Variants in ZNF808 observed in about 807,000 individuals in gnomAD.
ZNF808 encodes zinc finger protein 808.
A neutral mutation model predicts 8.7 loss-of-function variants in ZNF808; 5 were observed. That is an observed-to-expected ratio of 0.58 (90% CI 0.30 to 1.21). ZNF808 has a LOEUF of 1.21. Ranked by LOEUF, ZNF808 falls within the 50% of genes most tolerant of loss-of-function variation. The pLI is 0.07. For synonymous variants in ZNF808, 380 were observed against 366.0 expected (o/e 1.04, Z -0.44); for missense variants, 1,103 against 1,098.4 (o/e 1.00, Z -0.06).
Position 52,554,359 on chromosome 19 carries a change from A to G in ZNF808, c.1443A>G (p.Lys481=). 1 of 1,613,976 alleles carries G rather than the reference A, an allele frequency of 6.2e-7. No individual in the cohort carries two copies. Among genetic ancestry groups the G allele is most frequent in the Non-Finnish European group, 8.5e-7 (1 of 1,180,008 alleles). The stretch of plus-strand genomic sequence containing the variant: ...ATAGAAGAATTCACACTGGAGAGAA[A>G]ACTTACAAGTGTAATGAGTGTCGCA... ...ARHRRIHTGE[K]TYKCNECRKT... is the part of the protein sequence containing the mutation. Residue 481 remains lysine (K), a synonymous_variant, in exon 5 of 5, where the codon AAA becomes AAG. Coordinates refer to ENST00000359798, the MANE Select transcript of ZNF808 (RefSeq NM_001039886.4).
chr19:52,562,842 C>T (rs551035880), intron 3 of ZNF808, among the ~76,000 whole-genome samples: 34 of 152,070 alleles, frequency 2.2e-4, no homozygotes, highest in African/African-American at 7.7e-4. Flanking sequence ...GGCATGATCT[C>T]GGCTCACTGC....
At chr19:52,544,696 T>G (rs371507363) in intron 3 of ZNF808, among the ~76,000 whole-genome samples, 1 of 152,156 alleles carries the variant, frequency 6.6e-6, no homozygotes. Context: ...CAAAGCTTGC[T>G]TTAGCCTTGA....
At chr19:52,567,714 G>A (rs1003503945), downstream of ZNF808, among the ~76,000 whole-genome samples, 39 of 151,590 alleles carry the variant, frequency 2.6e-4, no homozygotes, top group Non-Finnish European at 4.6e-4. Flanking sequence ...TAGTAGAGAC[G>A]GGGTTTCTCT....
chr19:52,534,098 G>A (rs1026810332), intron 2 of ZNF808, among the ~76,000 whole-genome samples: 1 of 152,106 alleles, frequency 6.6e-6, no homozygotes, highest in Non-Finnish European at 1.5e-5. Flanking sequence ...CGAGGCTTCC[G>A]GATCACTTGA....
At chr19:52,546,188 G>GTTT (rs35937083) in intron 3 of ZNF808, among the ~76,000 whole-genome samples, 6 of 140,224 alleles carry the variant, frequency 4.3e-5, no homozygotes, top group Non-Finnish European at 6.2e-5. Flanking sequence ...CATCATAACA[G>GTTT]TTTTTTTTTT....
Position 52,554,958 on chromosome 19 carries a change from G to T in ZNF808, c.2042G>T (p.Cys681Phe). The part of the protein sequence containing the change: ...RLHGGEKSYK[C>F]KVCDKAFVCR... Reference sequence around the variant, plus strand: ...CATGGTGGAGAGAAATCTTACAAATGTAAGGTTTGTGACAAGGCTTTCGTG... The same window carrying T: ...CATGGTGGAGAGAAATCTTACAAATTTAAGGTTTGTGACAAGGCTTTCGTG... Residue 681 changes from cysteine (C) to phenylalanine (F), a missense_variant, in exon 5 of 5, where the codon TGT becomes TTT. Cys to Phe is a radical substitution (Grantham distance 205). Transcript: ENST00000359798. The T allele has an allele frequency of 6.2e-7, 1 of 1,614,200 alleles. No individual in the cohort carries two copies. Among genetic ancestry groups the T allele is most frequent in the Non-Finnish European group, 8.5e-7 (1 of 1,180,022 alleles).
chr19:52,528,768 A>G (rs1405304400), intron 1 of ZNF808, among the ~76,000 whole-genome samples: 1 of 152,070 alleles, frequency 6.6e-6, no homozygotes, highest in Non-Finnish European at 1.5e-5. Flanking sequence ...ACAGGGGAGT[A>G]TATCAGGGAA....
chr19:52,528,852 C>T (rs1469355561), intron 1 of ZNF808, among the ~76,000 whole-genome samples: 1 of 151,002 alleles, frequency 6.6e-6, no homozygotes, highest in Non-Finnish European at 1.5e-5. Flanking sequence ...AGATTGAGGA[C>T]GATTGAAAGA....
chr19:52,529,228 A>AG (rs1599942397), intron 1 of ZNF808, among the ~76,000 whole-genome samples: 1 of 148,958 alleles, frequency 6.7e-6, no homozygotes, highest in East Asian at 1.9e-4. Context: ...AAAAAAAAAA[A>AG]GGAAATAACG....
chr19:52,536,622 GC>G (rs1378442648), intron 2 of ZNF808, among the ~76,000 whole-genome samples: 1 of 152,124 alleles, frequency 6.6e-6, no homozygotes, highest in Non-Finnish European at 1.5e-5. Flanking sequence ...GGGTATTCTT[GC>G]CTGCCCAGCT....
intron 2 of ZNF808, among the ~76,000 whole-genome samples, chr19:52,543,015 G>A (rs923845346): frequency 6.6e-6 from 1 of 151,920 alleles, no homozygotes; most frequent in Non-Finnish European, 1.5e-5. Flanking sequence ...GGGGGCATCA[G>A]TGCAGCCCAG....
In ZNF808 at chr19:52,549,722, T is replaced by G. The variant is rs573714614; in HGVS notation, c.190+2084T>G. 1.5e-4 allele frequency among the ~76,000 whole-genome samples: 23 copies of G among 152,244 alleles called. No homozygotes were observed. The East Asian group carries it at 4.4e-3, about 29-fold the overall frequency. On this transcript the variant is annotated intron_variant, in intron 4 of 4. Transcript: ENST00000359798. ...CACCCTTGCCCTTCCTTTCCTGGCC[T>G]TGACTCACATGATACATTGATCTGG...
downstream of ZNF808, among the ~76,000 whole-genome samples, chr19:52,561,161 T>TCC (rs1568494854): frequency 3.1e-4 from 19 of 61,492 alleles, no homozygotes; most frequent in Non-Finnish European, 6.1e-4. Context: ...CTATCTGTTC[T>TCC]CTCTCTCTCT....
At chr19:52,543,467 G>T in intron 3 of ZNF808, 120 bp downstream of exon 3, 2 of 1,436,510 alleles carry the variant, frequency 1.4e-6, no homozygotes, top group Non-Finnish European at 1.9e-6. Context: ...GAAGCATTTT[G>T]CCTGACACGT....
rs371135349 is a variant in ZNF808 at position 52,553,612 on chromosome 19, A to G, written c.696A>G (p.Pro232=). 977 of 1,614,216 alleles carry G rather than the reference A, an allele frequency of 6.1e-4. No individual in the cohort carries two copies. The highest frequency in any genetic ancestry group is 7.8e-4 in the Non-Finnish European group (917 of 1,180,042). The change falls in exon 5 of 5, where the codon CCA becomes CCG. Residue 232 remains proline (P), a synonymous_variant. Coordinates refer to ENST00000359798, the MANE Select transcript of ZNF808 (RefSeq NM_001039886.4). ...QEVHMREKSF[P]CNESGKAFNC... Reference sequence around the variant, plus strand: ...TACACATGAGAGAAAAATCTTTCCCATGTAATGAGAGTGGCAAAGCCTTTA... The same window carrying G: ...TACACATGAGAGAAAAATCTTTCCCGTGTAATGAGAGTGGCAAAGCCTTTA...
chr19:52,547,511 G>A lies in ZNF808; in HGVS notation c.64-1G>A. On this transcript the variant is annotated splice_acceptor_variant, in intron 3 of 4. Transcript: ENST00000359798. LOFTEE classifies it high-confidence loss of function. ...TTGTTGAAATGTATGTTTCATTTTAGGGACGCTTGACTTTCAGGGATGTGG... is the reference window on the plus strand; with the variant it reads ...TTGTTGAAATGTATGTTTCATTTTAAGGACGCTTGACTTTCAGGGATGTGG... The A allele has an allele frequency of 2.5e-6, 4 of 1,613,722 alleles. No homozygotes were observed. Among genetic ancestry groups the A allele is most frequent in the Non-Finnish European group, 3.4e-6 (4 of 1,179,892 alleles).
chr19:52,554,760 G>T lies in ZNF808; in HGVS notation c.1844G>T (p.Arg615Ile). Residue 615 changes from arginine to isoleucine, a missense_variant, in exon 5 of 5, where the codon AGA becomes ATA. Coordinates refer to ENST00000359798, the MANE Select transcript of ZNF808 (RefSeq NM_001039886.4). ...AAATCAGCTCTTGAGTCACATAAGA[G>T]AATTCATACTGGAGAGAAACCATAC... ...GQKSALESHKRIHTGEKPYRC... is the reference protein window; with the variant it reads ...GQKSALESHKIIHTGEKPYRC... The T allele has an allele frequency of 6.2e-7, 1 of 1,613,764 alleles. No individual in the cohort carries two copies. The highest frequency in any genetic ancestry group is 1.1e-5 in the South Asian group (1 of 91,046).
downstream of ZNF808, among the ~76,000 whole-genome samples, chr19:52,559,456 C>G (rs933120537): frequency 1.3e-5 from 2 of 152,168 alleles, no homozygotes; most frequent in Non-Finnish European, 2.9e-5. Context: ...ATCCCCCTCT[C>G]CGAGATGGTA....
At chr19:52,557,931 G>A (rs1003352564), downstream of ZNF808, among the ~76,000 whole-genome samples, 2 of 150,164 alleles carry the variant, frequency 1.3e-5, no homozygotes, top group Non-Finnish European at 3.0e-5. Context: ...GCAACTTGGC[G>A]ATGAGGGGCT....
Sources: gnomAD v4.1 joint callset for allele counts (sites outside exome capture counted in the v4.1 genomes callset) on GRCh38, gnomAD v4.1.1 for gene constraint, MANE v1.5 for transcripts, NCBI Gene and HGNC (gene_info 2026-07-23, HGNC 2026-07-21) for gene names.